ANKRD44: variants seen among roughly 807,000 people sequenced by gnomAD.
ANKRD44 encodes serine/threonine-protein phosphatase 6 regulatory ankyrin repeat subunit B.
In ANKRD44, 35 loss-of-function variants were observed where a neutral mutation model predicts 116.0. That is an observed-to-expected ratio of 0.30 (90% CI 0.23 to 0.40). The LOEUF is 0.40. Among genes scored for constraint, ANKRD44 ranks in the 10% least tolerant of loss-of-function variants. The probability of loss-of-function intolerance (pLI) is 1.00; values close to 1 mark genes in which losing one functional copy is unlikely to be tolerated. For synonymous variants in ANKRD44, 435 were observed against 461.8 expected, an observed-to-expected ratio of 0.94 and a Z score of 0.74; for missense variants, 1,014 against 1,242.6, an observed-to-expected ratio of 0.82 and a Z score of 2.77.
chr2:197,050,863 T>C (rs745971263), intron 16 of ANKRD44, among the ~76,000 whole-genome samples: 2 of 152,144 alleles, frequency 1.3e-5, no homozygotes, highest in Non-Finnish European at 2.9e-5. Flanking sequence ...ACAGAGCATA[T>C]AAATTACCCT....
intron 1 of ANKRD44, among the ~76,000 whole-genome samples, chr2:197,215,730 TTAAAG>T (rs1238517145): frequency 2.6e-5 from 4 of 152,210 alleles, no homozygotes; most frequent in Non-Finnish European, 4.4e-5. Context: ...AGCCATTTAA[TTAAAG>T]TAAATGTCTC....
chr2:197,185,881 C>G (rs1392891170), intron 2 of ANKRD44, among the ~76,000 whole-genome samples: 1 of 152,176 alleles, frequency 6.6e-6, no homozygotes, highest in East Asian at 1.9e-4. Flanking sequence ...GGTCAGCAAA[C>G]TTTCCCTAAA....
At chr2:197,148,188 C>G (rs778282204) in intron 2 of ANKRD44, among the ~76,000 whole-genome samples, 1 of 152,202 alleles carries the variant, frequency 6.6e-6, no homozygotes, top group Non-Finnish European at 1.5e-5. Context: ...GTGCTCCATA[C>G]GAAGCCCATT....
Position 197,103,005 on chromosome 2 carries a change from A to G in ANKRD44, c.986-3075T>C, listed in dbSNP as rs545960569. ...AGCACTCTGGGAGGCCAAGGTGGGCAGATCACAAGGTCAGGAGATCAAGAC... is the reference window on the plus strand; with the variant it reads ...AGCACTCTGGGAGGCCAAGGTGGGCGGATCACAAGGTCAGGAGATCAAGAC... On this transcript the variant is annotated intron_variant, in intron 9 of 27. Coordinates refer to ENST00000282272, the MANE Select transcript of ANKRD44 (RefSeq NM_001195144.2). 9.9e-5 allele frequency among the ~76,000 whole-genome samples: 15 copies of G among 152,164 alleles called. No individual in the cohort carries two copies. The South Asian group carries it at 1.2e-3, about 13-fold the overall frequency.
chr2:197,150,222 C>A (rs1270886771), intron 2 of ANKRD44, among the ~76,000 whole-genome samples: 1 of 152,074 alleles, frequency 6.6e-6, no homozygotes, highest in African/African-American at 2.4e-5. Context: ...AATTAGGTGT[C>A]CTGGCTCCCA....
chr2:197,239,701 T>C (rs1322294507), intron 1 of ANKRD44, among the ~76,000 whole-genome samples: 4 of 152,222 alleles, frequency 2.6e-5, no homozygotes, highest in African/African-American at 9.7e-5. Context: ...CTTGATAAAT[T>C]TTTGCAACAT....
intron 14 of ANKRD44, 139 bp from the exon 15 acceptor site, chr2:197,081,864 A>T (rs2077806247): frequency 1.5e-6 from 1 of 655,158 alleles, no homozygotes; most frequent in Non-Finnish European, 2.6e-6. Flanking sequence ...TTTTCATTGA[A>T]GATATACATG....
chr2:197,051,697 G>A lies in ANKRD44; in HGVS notation c.1651-26430C>T, dbSNP rs60072251. On this transcript the variant is annotated intron_variant, in intron 16 of 27. Transcript: ENST00000282272. ...GTATCTCACTTATAAATAAGGGTCTGCTTTATCTTATTGTCACCACTGAGA... is the reference window on the plus strand; with the variant it reads ...GTATCTCACTTATAAATAAGGGTCTACTTTATCTTATTGTCACCACTGAGA... Among the ~76,000 whole-genome samples the A allele has an allele frequency of 1.6e-3, 240 of 152,294 alleles. 2 individuals carry two copies. The highest frequency in any genetic ancestry group is 5.6e-3 in the African/African-American group (231 of 41,560).
chr2:197,057,708 G>C (rs1412774263), intron 16 of ANKRD44, among the ~76,000 whole-genome samples: 1 of 152,052 alleles, frequency 6.6e-6, no homozygotes. Context: ...ATTTTTAAAA[G>C]TTAGCCAGGC....
chr2:197,218,028 TAATGAAAATCAA>T (rs2081490876), intron 1 of ANKRD44, among the ~76,000 whole-genome samples: 1 of 152,140 alleles, frequency 6.6e-6, no homozygotes, highest in South Asian at 2.1e-4. Flanking sequence ...GAGTTTTTAC[TAATGAAAATCAA>T]GATGAAAATA....
intron 2 of ANKRD44, among the ~76,000 whole-genome samples, chr2:197,184,447 G>A (rs1177046576): frequency 6.6e-6 from 1 of 151,978 alleles, no homozygotes; most frequent in African/African-American, 2.4e-5. Context: ...TTCAAGACCA[G>A]CCTGGCCAAC....
chr2:197,304,970 T>C (rs1359619771), intron 1 of ANKRD44, among the ~76,000 whole-genome samples: 1 of 152,208 alleles, frequency 6.6e-6, no homozygotes, highest in Non-Finnish European at 1.5e-5. Flanking sequence ...CTGTCAAGCC[T>C]GTGGTGAGCA....
intron 16 of ANKRD44, among the ~76,000 whole-genome samples, chr2:197,047,576 G>C (rs2077024763): frequency 6.6e-6 from 1 of 152,116 alleles, no homozygotes; most frequent in Non-Finnish European, 1.5e-5. Context: ...GGAACTTAGA[G>C]AAAGATTTGC....
intron 2 of ANKRD44, among the ~76,000 whole-genome samples, chr2:197,178,194 C>G (rs1385601569): frequency 6.6e-6 from 1 of 152,192 alleles, no homozygotes; most frequent in Non-Finnish European, 1.5e-5. Context: ...ACGCTGAGCA[C>G]AGTGGCTCAC....
At chr2:197,101,365 T>A (rs1260999389) in intron 9 of ANKRD44, among the ~76,000 whole-genome samples, 1 of 152,026 alleles carries the variant, frequency 6.6e-6, no homozygotes, top group East Asian at 1.9e-4. Flanking sequence ...TTGGCAACAA[T>A]TCCCAGAGCA....
At chr2:197,138,670 A>T (rs539555908) in intron 3 of ANKRD44, among the ~76,000 whole-genome samples, 2 of 152,178 alleles carry the variant, frequency 1.3e-5, no homozygotes, top group Non-Finnish European at 1.5e-5. Flanking sequence ...TCATAAATAA[A>T]TATATGTATG....
chr2:197,094,730 A>T (rs1162225792), intron 10 of ANKRD44, among the ~76,000 whole-genome samples: 2 of 152,238 alleles, frequency 1.3e-5, no homozygotes, highest in Non-Finnish European at 2.9e-5. Flanking sequence ...TACCCAAATG[A>T]TCAATCCAAG....
chr2:197,283,850 A>G (rs947265712), intron 1 of ANKRD44, among the ~76,000 whole-genome samples: 4 of 152,186 alleles, frequency 2.6e-5, no homozygotes, highest in Admixed American at 1.3e-4. Flanking sequence ...GTCTAGCGCA[A>G]TGTCTGATAA....
At chr2:197,246,830 A>T (rs1238730794) in intron 1 of ANKRD44, among the ~76,000 whole-genome samples, 1 of 152,152 alleles carries the variant, frequency 6.6e-6, no homozygotes, top group African/African-American at 2.4e-5. Flanking sequence ...GAGGAAACTG[A>T]GGTACAGCAT....
Sources: gnomAD v4.1 joint callset for allele counts (sites outside exome capture counted in the v4.1 genomes callset) on GRCh38, gnomAD v4.1.1 for gene constraint, MANE v1.5 for transcripts, NCBI Gene and HGNC (gene_info 2026-07-23, HGNC 2026-07-21) for gene names.